UBAC2: variants seen among roughly 807,000 people sequenced by gnomAD.
UBAC2 encodes ubiquitin-associated domain-containing protein 2.
In UBAC2, 26 loss-of-function variants were observed where a neutral mutation model predicts 44.0. That is an observed-to-expected ratio of 0.59 (90% CI 0.43 to 0.82). The LOEUF is 0.82. Among genes scored for constraint, UBAC2 ranks in the 40% least tolerant of loss-of-function variants. UBAC2 has a pLI of 0.00. For missense variants in UBAC2, 329 were observed against 419.4 expected (o/e 0.78, Z 1.88); for synonymous variants, 155 against 154.3 (o/e 1.00, Z -0.04).
chr13:99,255,533 A>G, intron 4 of UBAC2: 2 of 1,614,202 alleles, frequency 1.2e-6, no homozygotes, highest in South Asian at 1.1e-5. Context: ...GCACTAATAA[A>G]GGCAAGAAGC....
At chr13:99,338,728 G>C (rs953285737) in intron 6 of UBAC2, among the ~76,000 whole-genome samples, 7 of 152,130 alleles carry the variant, frequency 4.6e-5, no homozygotes, top group African/African-American at 1.4e-4. Context: ...GTCTGTCTTT[G>C]GTACCAAAAC....
intron 4 of UBAC2, among the ~76,000 whole-genome samples, chr13:99,288,837 C>T (rs1229774683): frequency 6.6e-6 from 1 of 152,142 alleles, no homozygotes; most frequent in East Asian, 1.9e-4. Context: ...ATATAATCTC[C>T]TCAGCTAATA....
At chr13:99,301,242 G>T (rs1430989784) in intron 4 of UBAC2, among the ~76,000 whole-genome samples, 1 of 152,224 alleles carries the variant, frequency 6.6e-6, no homozygotes, top group African/African-American at 2.4e-5. Flanking sequence ...GCCACAGGAA[G>T]CCTGGATCCT....
intron 4 of UBAC2, among the ~76,000 whole-genome samples, chr13:99,286,595 C>T (rs1008546577): frequency 6.6e-6 from 1 of 151,984 alleles, no homozygotes; most frequent in African/African-American, 2.4e-5. Flanking sequence ...CAAATGAGCC[C>T]ATCACCCAGG....
intron 4 of UBAC2, among the ~76,000 whole-genome samples, chr13:99,273,256 G>A (rs2043840692): frequency 1.3e-5 from 2 of 152,002 alleles, no homozygotes; most frequent in Admixed American, 1.3e-4. Context: ...TTCTAAGGTT[G>A]CCTAGTGATT....
intron 1 of UBAC2, among the ~76,000 whole-genome samples, chr13:99,201,797 C>T (rs576707714): frequency 3.1e-4 from 47 of 152,068 alleles, no homozygotes; most frequent in Admixed American, 4.6e-4. Flanking sequence ...GTTGGCCGGG[C>T]GCGGTGGCTC....
intron 6 of UBAC2, among the ~76,000 whole-genome samples, chr13:99,337,820 G>A (rs2044813025): frequency 6.6e-6 from 1 of 152,048 alleles, no homozygotes; most frequent in Non-Finnish European, 1.5e-5. Flanking sequence ...TGGAGCATGA[G>A]GAGGAACTGG....
At chr13:99,253,012 A>G (rs1440790769) in intron 4 of UBAC2, among the ~76,000 whole-genome samples, 3 of 151,742 alleles carry the variant, frequency 2.0e-5, no homozygotes, top group African/African-American at 7.2e-5. Context: ...TGTATAATAA[A>G]CCTACATATC....
intron 4 of UBAC2, among the ~76,000 whole-genome samples, chr13:99,286,311 G>A (rs2044018424): frequency 2.0e-5 from 3 of 152,070 alleles, no homozygotes; most frequent in Middle Eastern, 3.2e-3. Context: ...ATTTGAACTG[G>A]GACATAGTTC....
intron 4 of UBAC2, among the ~76,000 whole-genome samples, chr13:99,262,860 CAT>C (rs2043687879): frequency 1.3e-5 from 2 of 151,046 alleles, no homozygotes; most frequent in South Asian, 2.1e-4. Flanking sequence ...TAAAAGTAAA[CAT>C]GTATCTATAA....
chr13:99,295,461 G>T lies in UBAC2; in HGVS notation c.390-18636G>T, dbSNP rs536972084. 1.3e-4 allele frequency: 217 copies of T among 1,613,998 alleles called. 2 individuals are homozygous for T. In the South Asian group the frequency reaches 1.5e-3, roughly 11 times the overall value. ...CCAGATTTCTCAGTGAGTGGGTTTT[G>T]TTTGGCAGTTCTGAAGAGTTTGCAG... On this transcript the variant is annotated intron_variant, in intron 4 of 8. Transcript: ENST00000403766. This position sits in a 1 kb window ranked among gnomAD's most constrained non-coding sequence, Gnocchi z 4.1.
intron 4 of UBAC2, among the ~76,000 whole-genome samples, chr13:99,305,854 G>T (rs542375706): frequency 6.6e-5 from 10 of 152,094 alleles, no homozygotes; most frequent in Admixed American, 2.0e-4. Context: ...AGTAAGCACA[G>T]TTAGATGTGT....
At chr13:99,215,444 A>G in intron 1 of UBAC2, 1 of 1,363,794 alleles carries the variant, frequency 7.3e-7, no homozygotes, top group Non-Finnish European at 1.0e-6. Flanking sequence ...CACCACCAGC[A>G]ATTGTAGCCT....
intron 6 of UBAC2, among the ~76,000 whole-genome samples, chr13:99,331,588 TC>T (rs2044716745): frequency 6.6e-6 from 1 of 152,224 alleles, no homozygotes; most frequent in Admixed American, 6.5e-5. Context: ...TATAGAAAGT[TC>T]AATCTGAATC....
chr13:99,244,772 C>T, intron 4 of UBAC2, 148 bp downstream of exon 4: 1 of 470,426 alleles, frequency 2.1e-6, no homozygotes, highest in Non-Finnish European at 3.7e-6. Context: ...CTAATCTATG[C>T]CTACATTTTT....
intron 1 of UBAC2, among the ~76,000 whole-genome samples, chr13:99,232,401 T>TAG (rs1831723490): frequency 1.1e-5 from 1 of 94,978 alleles, no homozygotes; most frequent in Non-Finnish European, 2.6e-5. Context: ...AGTTGAGAGA[T>TAG]ATAGATATAT....
chr13:99,272,202 T>G (rs1594075296), intron 4 of UBAC2, among the ~76,000 whole-genome samples: 1 of 152,320 alleles, frequency 6.6e-6, no homozygotes, highest in East Asian at 1.9e-4. Context: ...TGTATCTAGG[T>G]CAAGTGCCTT....
chr13:99,221,633 G>A (rs970390667), intron 1 of UBAC2, among the ~76,000 whole-genome samples: 2 of 152,006 alleles, frequency 1.3e-5, no homozygotes, highest in Non-Finnish European at 2.9e-5. Context: ...TCTTTTCTAT[G>A]GCCACTCTAG....
intron 1 of UBAC2, among the ~76,000 whole-genome samples, chr13:99,208,593 C>G (rs1452860267): frequency 1.3e-5 from 2 of 152,190 alleles, no homozygotes; most frequent in Non-Finnish European, 2.9e-5. Context: ...GACTTTCCCC[C>G]CTTTTTTTCC....
Sources: gnomAD v4.1 joint callset for allele counts (sites outside exome capture counted in the v4.1 genomes callset) on GRCh38, gnomAD v4.1.1 for gene constraint, Gnocchi (gnomAD v3.1) non-coding constraint, MANE v1.5 for transcripts, NCBI Gene and HGNC (gene_info 2026-07-23, HGNC 2026-07-21) for gene names.